Variants in PLA2R1 observed in about 807,000 individuals in gnomAD.
The protein encoded by PLA2R1 is secretory phospholipase A2 receptor.
PLA2R1 carries 158 observed loss-of-function variants against 195.9 expected under a neutral mutation model. That is an observed-to-expected ratio of 0.81 (90% CI 0.71 to 0.92). PLA2R1 has a LOEUF of 0.92. PLA2R1 is among the 40% of genes least tolerant of loss of function. PLA2R1 has a pLI of 0.00. For missense variants in PLA2R1, 1,626 were observed against 1,764.6 expected (o/e 0.92, Z 1.41); for synonymous variants, 586 against 598.2 (o/e 0.98, Z 0.30).
chr2:159,950,244 T>A (rs1363857812), intron 24 of PLA2R1, among the ~76,000 whole-genome samples: 1 of 152,150 alleles, frequency 6.6e-6, no homozygotes, highest in Non-Finnish European at 1.5e-5. Context: ...CAATAAATAA[T>A]CATGAAATAT....
At chr2:159,977,488 T>A in intron 14 of PLA2R1, 72 bp from the exon 15 acceptor site, 1 of 1,372,662 alleles carries the variant, frequency 7.3e-7, no homozygotes, top group Non-Finnish European at 1.0e-6. Flanking sequence ...AAAAAGGGCA[T>A]CCCTGTACAT....
Position 159,969,359 on chromosome 2 carries a change from G to C in PLA2R1, c.2661C>G (p.Arg887=), listed in dbSNP as rs766111876. 6.5e-7 allele frequency: 1 copy of C among 1,544,436 alleles called. No individual in the cohort carries two copies. The highest frequency in any genetic ancestry group is 8.9e-7 in the Non-Finnish European group (1 of 1,118,570). Residue 887 remains arginine (R), a splice_region_variant and synonymous_variant, in exon 19 of 30, where the codon CGC becomes CGG. Coordinates refer to ENST00000283243, the MANE Select transcript of PLA2R1 (RefSeq NM_007366.5). ...ATATCACTGGTGTTCCATCTCTCCA[G>C]CTGTGGGAAGATTAAAAATGTTAAG... is the stretch of plus-strand genomic sequence containing the variant. ...LQEERANDEF[R]WRDGTPVIYQ...
intron 10 of PLA2R1, among the ~76,000 whole-genome samples, chr2:160,012,063 C>T (rs370406397): frequency 6.6e-6 from 1 of 152,060 alleles, no homozygotes; most frequent in Non-Finnish European, 1.5e-5. Context: ...GACATACTGG[C>T]AGCTTTGGAT....
chr2:160,004,205 C>A (rs1024827917), intron 11 of PLA2R1, among the ~76,000 whole-genome samples: 1 of 152,190 alleles, frequency 6.6e-6, no homozygotes, highest in African/African-American at 2.4e-5. Context: ...CCATCCAAGC[C>A]AGAAAAATTT....
chr2:160,013,013 A>C (rs1692471129), intron 10 of PLA2R1, among the ~76,000 whole-genome samples: 1 of 152,208 alleles, frequency 6.6e-6, no homozygotes. Context: ...ATATTAGAAA[A>C]GCTGGATAAT....
rs1235207556 is a variant in PLA2R1 at position 159,946,895 on chromosome 2, CTTGA to C, written c.3869_3872del (p.Ile1290ArgfsTer10). Reference sequence around the variant, plus strand: ...GGAGAAATGCATTTTCAGCCTCATCCTTGATTGTTAAAAGATTAGAACCTATAAG... The same window carrying C: ...GGAGAAATGCATTTTCAGCCTCATCCTTGTTAAAAGATTAGAACCTATAAG... On this transcript the variant is annotated frameshift_variant, in exon 27 of 30. Transcript: ENST00000283243. LOFTEE classifies it high-confidence loss of function. 6.2e-7 allele frequency: 1 copy of C among 1,608,588 alleles called. No homozygotes were observed. The highest frequency in any genetic ancestry group is 1.7e-5 in the Admixed American group (1 of 59,094).
chr2:160,031,881 C>T (rs576095658), intron 4 of PLA2R1, among the ~76,000 whole-genome samples: 15 of 152,332 alleles, frequency 9.8e-5, no homozygotes, highest in African/African-American at 3.4e-4. Context: ...ATTCTCCTGC[C>T]TCAGTCTCCT....
the PLA2R1 span, among the ~76,000 whole-genome samples, chr2:159,926,276 ATATAT>A: frequency 6.6e-6 from 1 of 152,234 alleles, no homozygotes; most frequent in African/African-American, 2.4e-5. Context: ...TAATTTGGTA[ATATAT>A]TATCACTGTG....
intron 27 of PLA2R1, 149 bp downstream of exon 27, chr2:159,946,649 ATGT>A: frequency 7.1e-7 from 1 of 1,399,706 alleles, no homozygotes; most frequent in Non-Finnish European, 9.3e-7. Flanking sequence ...AAGGGTTGCA[ATGT>A]TGTTTTTGGA....
chr2:160,013,240 C>A, intron 10 of PLA2R1, 23 bp downstream of exon 10: 1 of 1,187,288 alleles, frequency 8.4e-7, no homozygotes, highest in South Asian at 1.2e-5. Flanking sequence ...CGTCTTGTTT[C>A]TGTTAAAAAA....
At chr2:159,992,082 A>C (rs558395360) in intron 11 of PLA2R1, among the ~76,000 whole-genome samples, 11 of 140,504 alleles carry the variant, frequency 7.8e-5, no homozygotes, top group African/African-American at 2.6e-4. Context: ...TCCCACCAAC[A>C]GTGTAAAAGT....
intron 13 of PLA2R1, among the ~76,000 whole-genome samples, chr2:159,980,776 A>G (rs1159684636): frequency 6.6e-6 from 1 of 152,238 alleles, no homozygotes; most frequent in Non-Finnish European, 1.5e-5. Context: ...AATAATTTTG[A>G]AGAATCAAAG....
Position 160,033,016 on chromosome 2 carries a change from T to A in PLA2R1, c.784A>T (p.Met262Leu), listed in dbSNP as rs1558972598. ...SWSEAHSSCQ[M>L]QGGTLLSITD... ...ATACTTAACAGCGTACCTCCTTGCATCTGGCATGAAGAATGTGCCTCACTC... is the reference window on the plus strand; with the variant it reads ...ATACTTAACAGCGTACCTCCTTGCAACTGGCATGAAGAATGTGCCTCACTC... Residue 262 changes from methionine (M) to leucine (L), a missense_variant, in exon 4 of 30, where the codon ATG (methionine) becomes TTG (leucine). Transcript: ENST00000283243. The A allele has an allele frequency of 1.2e-6, 2 of 1,613,540 alleles. No individual in the cohort carries two copies. Among genetic ancestry groups the A allele is most frequent in the Admixed American group, 1.7e-5 (1 of 59,916 alleles).
Position 159,933,193 on chromosome 2 carries a change from T to C in PLA2R1, c.*8585A>G, listed in dbSNP as rs1686661320. On this transcript the variant is annotated 3_prime_UTR_variant, in exon 30 of 30. Coordinates refer to ENST00000283243, the MANE Select transcript of PLA2R1 (RefSeq NM_007366.5). ...GCTCTGCAAGAAACAAGTGCTTGTGTTAATTAATTCTGAGTAAAGAAGGTC... is the reference window on the plus strand; with the variant it reads ...GCTCTGCAAGAAACAAGTGCTTGTGCTAATTAATTCTGAGTAAAGAAGGTC... 6.6e-6 allele frequency: 1 copy of C among 152,232 alleles called. No individual in the cohort carries two copies. Among genetic ancestry groups the C allele is most frequent in the African/African-American group, 2.4e-5 (1 of 41,466 alleles). 9.4% of individuals were successfully genotyped at this position (152,232 alleles called of 1,614,324 possible). A position where few individuals can be genotyped will look rare whatever the true frequency, so the allele number is the denominator to read the frequency against.
the PLA2R1 span, among the ~76,000 whole-genome samples, chr2:159,926,199 T>C: frequency 6.6e-6 from 1 of 152,382 alleles, no homozygotes; most frequent in Admixed American, 6.5e-5. Context: ...TTAGTAGATC[T>C]TTCTCAAGGA....
At chr2:159,978,696 C>T (rs1212827326) in intron 14 of PLA2R1, among the ~76,000 whole-genome samples, 1 of 152,154 alleles carries the variant, frequency 6.6e-6, no homozygotes, top group Non-Finnish European at 1.5e-5. Context: ...GTTGACCCTG[C>T]TATGCCTTTT....
intron 11 of PLA2R1, among the ~76,000 whole-genome samples, chr2:159,999,712 C>A (rs1004427302): frequency 1.1e-4 from 16 of 152,056 alleles, no homozygotes; most frequent in Non-Finnish European, 1.9e-4. Context: ...TGTAAAAGTT[C>A]ATTAAATGAA....
intron 12 of PLA2R1, among the ~76,000 whole-genome samples, chr2:159,985,266 C>T (rs1338071607): frequency 6.6e-6 from 1 of 152,202 alleles, no homozygotes; most frequent in East Asian, 1.9e-4. Flanking sequence ...TAGGATTATA[C>T]ATGTGTACAA....
intron 9 of PLA2R1, among the ~76,000 whole-genome samples, chr2:160,016,015 G>C (rs6737904): frequency 0.38 from 58,099 of 151,920 alleles, 13,855 homozygotes; most frequent in Non-Finnish European, 0.53. Flanking sequence ...CTGTAATCCC[G>C]GTACTTTGGG....
Sources: allele counts gnomAD v4.1 joint callset (sites outside exome capture counted in the v4.1 genomes callset), GRCh38; gene constraint gnomAD v4.1.1; transcripts MANE v1.5; gene names NCBI Gene and HGNC (gene_info 2026-07-23, HGNC 2026-07-21).